Variants in SLC44A5 observed in about 807,000 individuals in gnomAD.
SLC44A5 encodes choline transporter-like protein 5.
In SLC44A5, 57 loss-of-function variants were observed where a neutral mutation model predicts 101.8. That is an observed-to-expected ratio of 0.56 (90% CI 0.45 to 0.70). The LOEUF is 0.70. SLC44A5 is among the 30% of genes least tolerant of loss of function. The pLI, the probability that SLC44A5 is intolerant of heterozygous loss-of-function variation, is 0.00. For missense variants in SLC44A5, 737 were observed against 853.1 expected, an observed-to-expected ratio of 0.86 and a Z score of 1.70; for synonymous variants, 281 against 290.9, an observed-to-expected ratio of 0.97 and a Z score of 0.35.
intron 6 of SLC44A5, among the ~76,000 whole-genome samples, chr1:75,258,874 C>A (rs1243359207): frequency 6.6e-6 from 1 of 152,060 alleles, no homozygotes; most frequent in Non-Finnish European, 1.5e-5. Flanking sequence ...CCAGTGACAC[C>A]CAGGCAAACA....
Position 75,425,273 on chromosome 1 carries a change from G to A in SLC44A5, c.14-28652C>T, listed in dbSNP as rs577679509. Reference sequence around the variant, plus strand: ...CCTACAGGTACTCAGCACTATGTTAGGCACATGTTAGGAACTTAATTAAGC... The same window carrying A: ...CCTACAGGTACTCAGCACTATGTTAAGCACATGTTAGGAACTTAATTAAGC... On this transcript the variant is annotated intron_variant, in intron 2 of 23. Coordinates refer to ENST00000370859, the MANE Select transcript of SLC44A5 (RefSeq NM_001130058.2). Among the ~76,000 whole-genome samples, 5 of 152,332 alleles carry A rather than the reference G, an allele frequency of 3.3e-5. No homozygotes were observed. The East Asian group carries it at 9.6e-4, about 29-fold the overall frequency.
rs1344394443 is a variant in SLC44A5 at position 75,500,975 on chromosome 1, T to A, written c.13+40460A>T. Among the ~76,000 whole-genome samples the A allele has an allele frequency of 3.3e-5, 5 of 152,300 alleles. No homozygotes were observed. In the East Asian group the frequency reaches 9.7e-4, roughly 29 times the overall value. On this transcript the variant is annotated intron_variant, in intron 2 of 23. Coordinates refer to ENST00000370859, the MANE Select transcript of SLC44A5 (RefSeq NM_001130058.2). ...GATAACTTGCCCTAATTTGTAGGGT[T>A]GCCATAACAATATTACAATATACAC...
intron 5 of SLC44A5, among the ~76,000 whole-genome samples, chr1:75,298,502 C>T (rs549069115): frequency 2.6e-5 from 4 of 152,124 alleles, no homozygotes; most frequent in East Asian, 3.9e-4. Flanking sequence ...TATCTTGCTC[C>T]AGAGAAAATA....
At chr1:75,351,603 A>G (rs1306552381) in intron 3 of SLC44A5, among the ~76,000 whole-genome samples, 1 of 152,118 alleles carries the variant, frequency 6.6e-6, no homozygotes, top group African/African-American at 2.4e-5. Flanking sequence ...TTACACTGGT[A>G]TCAGTAAATG....
chr1:75,711,503 G>C, the SLC44A5 span, among the ~76,000 whole-genome samples: 4 of 152,124 alleles, frequency 2.6e-5, no homozygotes, highest in African/African-American at 7.2e-5. Flanking sequence ...CTACAGCATG[G>C]GAGCTGTTCT....
intron 3 of SLC44A5, among the ~76,000 whole-genome samples, chr1:75,374,065 C>A (rs947316706): frequency 6.6e-6 from 1 of 152,170 alleles, no homozygotes; most frequent in Non-Finnish European, 1.5e-5. Flanking sequence ...CCCAAGGAGC[C>A]CTGCAGCCTA....
At position 75,274,968 on chromosome 1, in the gene SLC44A5, T is replaced by C; in HGVS notation, c.250A>G (p.Thr84Ala). Reference sequence around the variant, plus strand: ...GGTGGCCATACTCACTCATTGGGAGTGCCCTTCTGGCCACAAAAGTGGCCC... The same window carrying C: ...GGTGGCCATACTCACTCATTGGGAGCGCCCTTCTGGCCACAAAAGTGGCCC... ...SQGHFCGQKG[T>A]PNENKTILFY... Residue 84 changes from threonine to alanine, a missense_variant, in exon 6 of 24, where the codon ACT becomes GCT. This residue lies in a region of SLC44A5 where 665 missense variants were observed against 764.4 expected (regional missense o/e 0.87). Transcript: ENST00000370859. 1 of 1,612,156 alleles carries C rather than the reference T, an allele frequency of 6.2e-7. No homozygotes were observed.
chr1:75,260,884 A>G (rs1231128504), intron 6 of SLC44A5, among the ~76,000 whole-genome samples: 1 of 152,152 alleles, frequency 6.6e-6, no homozygotes, highest in East Asian at 1.9e-4. Flanking sequence ...TCAAAACTGC[A>G]GAAGTACATG....
intron 3 of SLC44A5, among the ~76,000 whole-genome samples, chr1:75,367,976 T>C (rs1032811237): frequency 2.0e-5 from 3 of 152,232 alleles, no homozygotes; most frequent in Non-Finnish European, 4.4e-5. Flanking sequence ...TTATACCACA[T>C]TCTCTATGGT....
At chr1:75,283,836 T>G (rs760950871) in intron 5 of SLC44A5, among the ~76,000 whole-genome samples, 1 of 152,182 alleles carries the variant, frequency 6.6e-6, no homozygotes, top group African/African-American at 2.4e-5. Context: ...GGGTTTTCTA[T>G]TCTGCCCCAT....
chr1:75,274,892 T>C (rs1322775837), intron 6 of SLC44A5, 66 bp downstream of exon 6: 7 of 1,273,424 alleles, frequency 5.5e-6, no homozygotes, highest in Non-Finnish European at 7.9e-6. Context: ...AGGATTACTG[T>C]AAAAGTGATA....
intron 23 of SLC44A5, among the ~76,000 whole-genome samples, chr1:75,209,656 G>GAAAC (rs796880560): frequency 3.3e-5 from 5 of 152,284 alleles, no homozygotes; most frequent in African/African-American, 1.2e-4. Flanking sequence ...AACAGGCTCA[G>GAAAC]AAACAAACAA....
rs556743481 is a variant in SLC44A5, at chr1:75,586,570, T to G, written c.-70+24470A>C. ...TTTTTTTGTTTGGTGACTTGAAATGTAGTCTCATATGATTACTCCTTTCTC... is the reference window on the plus strand; with the variant it reads ...TTTTTTTGTTTGGTGACTTGAAATGGAGTCTCATATGATTACTCCTTTCTC... On this transcript the variant is annotated intron_variant, in intron 1 of 23. Coordinates refer to ENST00000370859, the MANE Select transcript of SLC44A5 (RefSeq NM_001130058.2). Among the ~76,000 whole-genome samples, 370 of 151,778 alleles carry G rather than the reference T, an allele frequency of 2.4e-3. 1 individual carries two copies. Among genetic ancestry groups the G allele is most frequent in the Non-Finnish European group, 2.7e-3 (183 of 67,962 alleles).
intron 1 of SLC44A5, among the ~76,000 whole-genome samples, chr1:75,593,837 G>A (rs1460014340): frequency 2.0e-5 from 3 of 151,954 alleles, no homozygotes; most frequent in African/African-American, 7.2e-5. Flanking sequence ...AGGCTGAGAA[G>A]GGTAGTCAGG....
intron 4 of SLC44A5, among the ~76,000 whole-genome samples, chr1:75,308,871 T>A (rs568907214): frequency 1.3e-5 from 2 of 152,340 alleles, no homozygotes; most frequent in African/African-American, 4.8e-5. Context: ...AATAATCATA[T>A]GATAATCTTT....
the SLC44A5 span, among the ~76,000 whole-genome samples, chr1:75,701,370 A>G: frequency 1.3e-5 from 2 of 152,210 alleles, no homozygotes; most frequent in Admixed American, 6.5e-5. Flanking sequence ...ATCAATAAAC[A>G]TAATCCAGCA....
At chr1:75,586,992 G>T (rs907859278) in intron 1 of SLC44A5, among the ~76,000 whole-genome samples, 24 of 152,050 alleles carry the variant, frequency 1.6e-4, no homozygotes, top group Admixed American at 1.5e-3. Flanking sequence ...CAAAGCAGTG[G>T]TTCTCAAAAT....
At chr1:75,468,835 T>C (rs1281411037) in intron 2 of SLC44A5, among the ~76,000 whole-genome samples, 1 of 152,190 alleles carries the variant, frequency 6.6e-6, no homozygotes, top group East Asian at 1.9e-4. Flanking sequence ...AATTTGATTA[T>C]TAGTGACCCA....
chr1:75,571,587 T>C (rs1240105987), intron 1 of SLC44A5, among the ~76,000 whole-genome samples: 1 of 152,228 alleles, frequency 6.6e-6, no homozygotes, highest in Non-Finnish European at 1.5e-5. Flanking sequence ...AATACTTTTT[T>C]ATAAAATAAG....
Sources: allele counts gnomAD v4.1 joint callset (sites outside exome capture counted in the v4.1 genomes callset), GRCh38; gene constraint gnomAD v4.1.1; regional missense constraint gnomAD v4.1.1; transcripts MANE v1.5; gene names NCBI Gene and HGNC (gene_info 2026-07-23, HGNC 2026-07-21).